Variants in SLC25A21 observed in about 807,000 individuals in gnomAD.
SLC25A21 encodes the protein solute carrier family 25 member 21.
Under a neutral mutation model 43.8 loss-of-function variants are expected in SLC25A21, and 47 were observed. The observed-to-expected ratio is 1.07, with a 90% confidence interval of 0.85 to 1.37. The LOEUF (loss-of-function observed/expected upper bound fraction) is 1.37. Ranked by LOEUF, SLC25A21 falls within the 40% of genes most tolerant of loss-of-function variation. The pLI, the probability that SLC25A21 is intolerant of heterozygous loss-of-function variation, is 0.00. For synonymous variants in SLC25A21, 131 were observed against 121.3 expected (o/e 1.08, Z -0.52); for missense variants, 352 against 350.2 (o/e 1.00, Z -0.04).
At chr14:36,774,195 G>C (rs979302761) in intron 3 of SLC25A21, among the ~76,000 whole-genome samples, 4 of 152,132 alleles carry the variant, frequency 2.6e-5, no homozygotes, top group Non-Finnish European at 5.9e-5. Flanking sequence ...AAAAGGATTT[G>C]GTTGCTTTCT....
Position 36,678,778 on chromosome 14 carries a change from A to G in SLC25A21, c.*1880T>C, listed in dbSNP as rs894082489. 9.4e-7 allele frequency: 1 copy of G among 1,061,738 alleles called. No homozygotes were observed. Among genetic ancestry groups the G allele is most frequent in the Non-Finnish European group, 1.2e-6 (1 of 869,412 alleles). The allele number at this position is 1,061,738 out of a possible 1,614,324, so 65.8% of individuals were successfully genotyped here. A position where few individuals can be genotyped will look rare whatever the true frequency, so the allele number is the denominator to read the frequency against. The stretch of plus-strand genomic sequence containing the variant: ...TGGTTCTTGTATTTTAAAAAATCTA[A>G]TATTAATGGTATTGAAGTTTCCTTT... On this transcript the variant is annotated 3_prime_UTR_variant, in exon 10 of 10. Coordinates refer to ENST00000331299, the MANE Select transcript of SLC25A21 (RefSeq NM_030631.4).
chr14:37,051,550 A>G (rs1343615243), intron 1 of SLC25A21, among the ~76,000 whole-genome samples: 1 of 152,252 alleles, frequency 6.6e-6, no homozygotes, highest in Non-Finnish European at 1.5e-5. Flanking sequence ...AACAGATGGC[A>G]CAGGCAACTT....
chr14:36,820,078 G>C (rs1156839459), intron 2 of SLC25A21, among the ~76,000 whole-genome samples: 1 of 152,134 alleles, frequency 6.6e-6, no homozygotes, highest in African/African-American at 2.4e-5. Context: ...GAGACTGGCA[G>C]TGGGAAGCCA....
intron 2 of SLC25A21, among the ~76,000 whole-genome samples, chr14:36,868,694 C>A (rs751851089): frequency 1.4e-4 from 21 of 152,298 alleles, no homozygotes; most frequent in African/African-American, 5.1e-4. Context: ...CCTTCAAAAA[C>A]GACAGTATGT....
At chr14:36,763,024 A>G (rs1049584410) in intron 3 of SLC25A21, among the ~76,000 whole-genome samples, 5 of 152,244 alleles carry the variant, frequency 3.3e-5, no homozygotes, top group Admixed American at 3.3e-4. Context: ...ACATCATGTC[A>G]TAATTATCTT....
At chr14:36,957,190 C>T (rs963922875) in intron 1 of SLC25A21, among the ~76,000 whole-genome samples, 4 of 152,190 alleles carry the variant, frequency 2.6e-5, no homozygotes, top group African/African-American at 2.4e-5. Context: ...TTCTTTCCTC[C>T]ACTTCCCATT....
intron 1 of SLC25A21, among the ~76,000 whole-genome samples, chr14:37,096,503 G>C (rs554516899): frequency 2.0e-5 from 3 of 152,070 alleles, no homozygotes; most frequent in Non-Finnish European, 1.5e-5. Context: ...ATAATTCTTA[G>C]ATTTGTCCTT....
chr14:37,147,466 A>G (rs897844374), intron 1 of SLC25A21, among the ~76,000 whole-genome samples: 11 of 152,018 alleles, frequency 7.2e-5, no homozygotes, highest in Admixed American at 7.2e-4. Flanking sequence ...AAGCCACCAC[A>G]CTATCTCCAC....
chr14:37,013,894 T>G (rs1467342647), intron 1 of SLC25A21, among the ~76,000 whole-genome samples: 1 of 152,176 alleles, frequency 6.6e-6, no homozygotes, highest in South Asian at 2.1e-4. Context: ...TCCCAGTGCA[T>G]ATAAAAGTTA....
At chr14:36,903,182 T>A (rs1891440942) in intron 1 of SLC25A21, among the ~76,000 whole-genome samples, 1 of 152,142 alleles carries the variant, frequency 6.6e-6, no homozygotes, top group South Asian at 2.1e-4. Context: ...TTTTTATCAG[T>A]TTATGTGAAC....
chr14:36,758,136 G>C (rs917540836), intron 3 of SLC25A21, among the ~76,000 whole-genome samples: 1 of 152,154 alleles, frequency 6.6e-6, no homozygotes, highest in Non-Finnish European at 1.5e-5. Flanking sequence ...TCTTACCCTG[G>C]TGGCTCAGAC....
chr14:37,118,217 C>T (rs1963141429), intron 1 of SLC25A21, among the ~76,000 whole-genome samples: 1 of 152,142 alleles, frequency 6.6e-6, no homozygotes, highest in Non-Finnish European at 1.5e-5. Context: ...TAAGAATGGA[C>T]TTTTGAGATG....
At chr14:37,032,508 C>T (rs757419741) in intron 1 of SLC25A21, among the ~76,000 whole-genome samples, 6 of 151,994 alleles carry the variant, frequency 3.9e-5, no homozygotes, top group African/African-American at 1.2e-4. Context: ...TGCACTCCAG[C>T]CTGGGCTACA....
chr14:36,764,366 G>A (rs1886319976), intron 3 of SLC25A21, among the ~76,000 whole-genome samples: 1 of 151,504 alleles, frequency 6.6e-6, no homozygotes, highest in African/African-American at 2.4e-5. Flanking sequence ...GTGTCCTGGG[G>A]AAGGCAGCCA....
chr14:36,721,906 C>T (rs1884388681), intron 6 of SLC25A21, among the ~76,000 whole-genome samples: 1 of 152,224 alleles, frequency 6.6e-6, no homozygotes, highest in Non-Finnish European at 1.5e-5. Flanking sequence ...TAAATGTTCA[C>T]AGACAAAACA....
At chr14:36,774,898 C>T (rs536085004) in intron 3 of SLC25A21, among the ~76,000 whole-genome samples, 1 of 152,060 alleles carries the variant, frequency 6.6e-6, no homozygotes, top group Admixed American at 6.6e-5. Context: ...CAAACTGATA[C>T]AAATTAAAGC....
chr14:37,132,686 G>C (rs1387888958), intron 1 of SLC25A21, among the ~76,000 whole-genome samples: 2 of 151,320 alleles, frequency 1.3e-5, no homozygotes, highest in Non-Finnish European at 2.9e-5. Flanking sequence ...CATTTTTCAG[G>C]GTTCTGAATG....
At chr14:36,714,892 T>G (rs1884057127) in intron 6 of SLC25A21, among the ~76,000 whole-genome samples, 1 of 152,308 alleles carries the variant, frequency 6.6e-6, no homozygotes, top group East Asian at 1.9e-4. Context: ...ACTTTTACAC[T>G]CTTGGTGGTT....
Position 36,679,808 on chromosome 14 carries a change from T to G in SLC25A21, c.*850A>C, listed in dbSNP as rs1008855348. ...TGGCTGACAAATGGGTCCAAAGGTG[T>G]TTCCAATTTGTGATTTAACATGACA... is the stretch of plus-strand genomic sequence containing the variant. On this transcript the variant is annotated 3_prime_UTR_variant, in exon 10 of 10. Transcript: ENST00000331299. The G allele has an allele frequency of 1.0e-6, 1 of 985,086 alleles. No individual in the cohort carries two copies. The highest frequency in any genetic ancestry group is 6.1e-5 in the Admixed American group (1 of 16,262). The allele number at this position is 985,086 out of a possible 1,614,324, so 61.0% of individuals were successfully genotyped here.
Sources: gnomAD v4.1 joint callset for allele counts (sites outside exome capture counted in the v4.1 genomes callset) on GRCh38, gnomAD v4.1.1 for gene constraint, MANE v1.5 for transcripts, NCBI Gene and HGNC (gene_info 2026-07-23, HGNC 2026-07-21) for gene names.